Variants in UNC45B observed in about 807,000 individuals in gnomAD.
UNC45B encodes the protein protein unc-45 homolog B.
UNC45B carries 78 observed loss-of-function variants against 98.7 expected under a neutral mutation model. The ratio of observed to expected loss-of-function variants is 0.79; its 90% confidence interval spans 0.66 to 0.95. The LOEUF is 0.95. Among genes scored for constraint, UNC45B ranks in the 40% least tolerant of loss-of-function variants. UNC45B has a pLI of 0.00. For synonymous variants in UNC45B, 462 were observed against 480.4 expected (o/e 0.96, Z 0.50); for missense variants, 1,225 against 1,184.9 (o/e 1.03, Z -0.50).
At chr17:35,177,976 T>C (rs938186322) in intron 17 of UNC45B, among the ~76,000 whole-genome samples, 3 of 152,118 alleles carry the variant, frequency 2.0e-5, no homozygotes, top group Non-Finnish European at 4.4e-5. Context: ...CTCAGCTCAC[T>C]GCACCCTCTG....
intron 14 of UNC45B, among the ~76,000 whole-genome samples, chr17:35,175,075 G>GAAAGAAAGAAAGAAAGAAGAAAC (rs1405430665): frequency 8.7e-6 from 1 of 114,982 alleles, no homozygotes; most frequent in Non-Finnish European, 1.9e-5. Context: ...AAGAAAGAAA[G>GAAAGAAAGAAAGAAAGAAGAAAC]AAAGAAAGAA....
intron 17 of UNC45B, 131 bp downstream of exon 17, chr17:35,177,741 C>T: frequency 1.6e-6 from 1 of 642,322 alleles, no homozygotes; most frequent in South Asian, 2.2e-5. Context: ...TTTGAGTTAG[C>T]ACAAATCCAC....
rs200776394 is a variant in UNC45B, at chr17:35,180,620, G to C, written c.2317G>C (p.Asp773His). The C allele has an allele frequency of 1.1e-5, 18 of 1,613,982 alleles. No homozygotes were observed. The Admixed American group carries it at 1.5e-4, about 13-fold the overall frequency. ...CGAGAACTACATGTTTGAGAATCAT[G>C]ATCAGCTGCGGCAGGCGGCCACCGA... Reference protein sequence around the residue: ...DIENYMFENHDQLRQAATECM... With the variant: ...DIENYMFENHHQLRQAATECM... Residue 773 changes from aspartate to histidine, a missense_variant, in exon 18 of 20, where the codon GAT becomes CAT. Coordinates refer to ENST00000394570, the MANE Select transcript of UNC45B (RefSeq NM_001267052.2).
At chr17:35,165,304 G>A (rs2092131117) in intron 9 of UNC45B, among the ~76,000 whole-genome samples, 1 of 152,222 alleles carries the variant, frequency 6.6e-6, no homozygotes. Context: ...ACCCTCAGCA[G>A]CTGCAGTTCC....
intron 8 of UNC45B, among the ~76,000 whole-genome samples, chr17:35,163,771 A>T (rs1183775345): frequency 6.6e-6 from 1 of 152,226 alleles, no homozygotes; most frequent in Non-Finnish European, 1.5e-5. Flanking sequence ...TACACATGAA[A>T]ATAGAGGCCC....
intron 19 of UNC45B, among the ~76,000 whole-genome samples, chr17:35,185,441 G>A (rs2092297949): frequency 6.6e-6 from 1 of 152,054 alleles, no homozygotes; most frequent in Non-Finnish European, 1.5e-5. Context: ...CCTAGTGGCT[G>A]GGATTACAGG....
intron 13 of UNC45B, among the ~76,000 whole-genome samples, chr17:35,172,516 T>C (rs954164945): frequency 6.6e-6 from 1 of 152,240 alleles, no homozygotes; most frequent in Non-Finnish European, 1.5e-5. Context: ...CCTAAAGCGT[T>C]GGGAATCCAG....
intron 7 of UNC45B, 83 bp from the exon 8 acceptor site, chr17:35,159,292 G>T (rs1039246835): frequency 1.2e-5 from 16 of 1,310,670 alleles, no homozygotes; most frequent in Non-Finnish European, 1.6e-5. Flanking sequence ...TACTTCCAGA[G>T]TCTAGAAGCT....
intron 9 of UNC45B, among the ~76,000 whole-genome samples, chr17:35,166,459 A>G (rs1274979656): frequency 6.6e-6 from 1 of 151,906 alleles, no homozygotes; most frequent in East Asian, 1.9e-4. Flanking sequence ...ACTGACTCCC[A>G]TTACCTGTCA....
At position 35,152,863 on chromosome 17, in the gene UNC45B, C is replaced by T. The variant is rs1250424350; in HGVS notation, c.382-30C>T. ...CTGAAATGACGTGGACCCCACCTGC[C>T]TCCTTCCCCACTCCCTCCTCTCTCC... is the stretch of plus-strand genomic sequence containing the variant. On this transcript the variant is annotated intron_variant, in intron 4 of 19. Coordinates refer to ENST00000394570, the MANE Select transcript of UNC45B (RefSeq NM_001267052.2). 6.9e-6 allele frequency: 11 copies of T among 1,587,298 alleles called. No individual in the cohort carries two copies. The South Asian group carries it at 1.2e-4, about 18-fold the overall frequency.
intron 8 of UNC45B, 123 bp downstream of exon 8, chr17:35,159,668 A>G: frequency 1.7e-6 from 2 of 1,143,878 alleles, no homozygotes; most frequent in African/African-American, 3.1e-5. Flanking sequence ...AAAGATGAGA[A>G]AAGGCATTGG....
intron 13 of UNC45B, 111 bp from the exon 14 acceptor site, chr17:35,174,131 G>A (rs2092209392): frequency 1.4e-6 from 2 of 1,452,302 alleles, no homozygotes; most frequent in Non-Finnish European, 1.9e-6. Context: ...CATCTTTGGA[G>A]GCCATTATTC....
At chr17:35,184,934 T>G (rs1276536415) in intron 19 of UNC45B, among the ~76,000 whole-genome samples, 1 of 152,226 alleles carries the variant, frequency 6.6e-6, no homozygotes, top group African/African-American at 2.4e-5. Flanking sequence ...CCCTGGGCTA[T>G]GCTTCCTGCT....
chr17:35,186,635 T>A lies in UNC45B; in HGVS notation c.*76T>A. The A allele has an allele frequency of 6.6e-7, 1 of 1,520,794 alleles. No individual in the cohort carries two copies. The highest frequency in any genetic ancestry group is 9.0e-7 in the Non-Finnish European group (1 of 1,114,786). The allele number at this position is 1,520,794 out of a possible 1,614,324, so 94.2% of individuals were successfully genotyped here. ...GGGTTGGTTGGGTTCTCCTGAAGAG[T>A]CAGGTCATCTAGGGATCATAGCAGT... is the stretch of plus-strand genomic sequence containing the variant. On this transcript the variant is annotated 3_prime_UTR_variant, in exon 20 of 20. Coordinates refer to ENST00000394570, the MANE Select transcript of UNC45B (RefSeq NM_001267052.2).
At chr17:35,175,075 G>GA (rs925172163) in intron 14 of UNC45B, among the ~76,000 whole-genome samples, 1 of 114,982 alleles carries the variant, frequency 8.7e-6, no homozygotes, top group Non-Finnish European at 1.9e-5. Flanking sequence ...AAGAAAGAAA[G>GA]AAAGAAAGAA....
chr17:35,185,714 T>C (rs1254600413), intron 19 of UNC45B, among the ~76,000 whole-genome samples: 1 of 152,092 alleles, frequency 6.6e-6, no homozygotes, highest in East Asian at 1.9e-4. Context: ...TATCATCTCA[T>C]TAAATCACCA....
chr17:35,171,564 G>T, intron 13 of UNC45B, 102 bp downstream of exon 13: 1 of 1,436,762 alleles, frequency 7.0e-7, no homozygotes, highest in Non-Finnish European at 9.4e-7. Flanking sequence ...CACGGTGTGT[G>T]TTTGGGTGGT....
At chr17:35,166,086 T>TAAAAAAAAAAAAAAAA (rs55844448) in intron 9 of UNC45B, among the ~76,000 whole-genome samples, 25 of 58,112 alleles carry the variant, frequency 4.3e-4, no homozygotes, top group South Asian at 1.5e-3. Flanking sequence ...CCCTCATCTC[T>TAAAAAAAAAAAAAAAA]AAAAAAAAAA....
intron 18 of UNC45B, among the ~76,000 whole-genome samples, chr17:35,182,864 G>A (rs927207052): frequency 1.3e-5 from 2 of 152,024 alleles, no homozygotes; most frequent in African/African-American, 2.4e-5. Context: ...ATGAGATGCT[G>A]TGAGGGGTTA....
Sources: allele counts gnomAD v4.1 joint callset (sites outside exome capture counted in the v4.1 genomes callset), GRCh38; gene constraint gnomAD v4.1.1; transcripts MANE v1.5; gene names NCBI Gene and HGNC (gene_info 2026-07-23, HGNC 2026-07-21).